Variants in CIMIP4 observed in about 807,000 individuals in gnomAD.
The protein encoded by CIMIP4 is protein EAN57.
the CIMIP4 span, chr22:37,002,178 G>A: frequency 1.3e-6 from 2 of 1,498,552 alleles, no homozygotes; most frequent in Non-Finnish European, 1.8e-6. Context: ...GGCAGGGGCT[G>A]TGGGGATGAC....
the CIMIP4 span, chr22:37,002,233 C>T: frequency 7.5e-5 from 109 of 1,455,958 alleles, no homozygotes; most frequent in African/African-American, 1.6e-4. Flanking sequence ...AACTGTAGGC[C>T]GCTTTCCAGG....
the CIMIP4 span, chr22:37,004,009 C>T: frequency 6.5e-7 from 1 of 1,548,392 alleles, no homozygotes; most frequent in African/African-American, 1.4e-5. Flanking sequence ...GTGGGACAGG[C>T]AATTCCAAGC....
the CIMIP4 span, among the ~76,000 whole-genome samples, chr22:36,999,526 G>GGAGA: frequency 2.4e-5 from 1 of 40,884 alleles, no homozygotes; most frequent in African/African-American, 1.5e-4. Context: ...GGAAGGGGAG[G>GGAGA]GGAGGGGAGG....
chr22:37,003,613 C>G, the CIMIP4 span, among the ~76,000 whole-genome samples: 28 of 152,298 alleles, frequency 1.8e-4, no homozygotes, highest in African/African-American at 6.7e-4. Flanking sequence ...CACGTGTAAC[C>G]CCATATATAC....
the CIMIP4 span, among the ~76,000 whole-genome samples, chr22:37,004,491 G>A: frequency 6.6e-6 from 1 of 152,156 alleles, no homozygotes; most frequent in Admixed American, 6.5e-5. Context: ...AAATAGGATT[G>A]TATCCATTTG....
chr22:37,006,058 C>T, the CIMIP4 span, among the ~76,000 whole-genome samples: 1 of 152,138 alleles, frequency 6.6e-6, no homozygotes, highest in Non-Finnish European at 1.5e-5. Context: ...ATCCTCTTAA[C>T]AGAACCATAG....
the CIMIP4 span, among the ~76,000 whole-genome samples, chr22:37,005,079 G>A: frequency 6.6e-6 from 1 of 152,136 alleles, no homozygotes; most frequent in Admixed American, 6.5e-5. Context: ...GCTGCCCTGT[G>A]GAGCAGCCCA....
the CIMIP4 span, chr22:37,004,043 C>A: frequency 1.3e-6 from 2 of 1,537,874 alleles, no homozygotes; most frequent in East Asian, 4.9e-5. Context: ...CAAAGCACCA[C>A]GTTTCATCGT....
At chr22:37,001,696 A>G in the CIMIP4 span, 3 of 853,556 alleles carry the variant, frequency 3.5e-6, no homozygotes, top group East Asian at 8.3e-5. Flanking sequence ...TAAACAGTGC[A>G]CAGTGTTTGG....
chr22:36,999,444 C>A, the CIMIP4 span, among the ~76,000 whole-genome samples: 3 of 142,578 alleles, frequency 2.1e-5, no homozygotes, highest in Admixed American at 7.1e-5. Flanking sequence ...TTCAGTGAGC[C>A]AAGATTGTGC....
chr22:36,999,101 A>G, the CIMIP4 span, among the ~76,000 whole-genome samples: 1 of 151,878 alleles, frequency 6.6e-6, no homozygotes, highest in Non-Finnish European at 1.5e-5. Flanking sequence ...GGATGGGGCT[A>G]GGGGTGTGGG....
the CIMIP4 span, among the ~76,000 whole-genome samples, chr22:36,998,322 A>G: frequency 6.6e-6 from 1 of 152,154 alleles, no homozygotes; most frequent in Non-Finnish European, 1.5e-5. Context: ...AAGCTCAGAG[A>G]AAACTCCAGA....
the CIMIP4 span, among the ~76,000 whole-genome samples, chr22:36,994,049 C>T: frequency 5.3e-5 from 8 of 152,092 alleles, no homozygotes; most frequent in African/African-American, 9.7e-5. Flanking sequence ...CGATGAAAAA[C>T]AAAAACAATT....
At chr22:37,003,667 G>A in the CIMIP4 span, among the ~76,000 whole-genome samples, 2 of 152,070 alleles carry the variant, frequency 1.3e-5, no homozygotes, top group Non-Finnish European at 2.9e-5. Context: ...TTCCCCCACA[G>A]CCCTGCCCTT....
chr22:36,994,619 C>T, the CIMIP4 span, among the ~76,000 whole-genome samples: 3 of 145,664 alleles, frequency 2.1e-5, no homozygotes, highest in Admixed American at 7.0e-5. Flanking sequence ...TGCCTGGCTC[C>T]GCCTCCTGAG....
chr22:37,005,665 G>A, the CIMIP4 span, among the ~76,000 whole-genome samples: 1 of 151,926 alleles, frequency 6.6e-6, no homozygotes, highest in African/African-American at 2.4e-5. Flanking sequence ...CCCTTGTTAT[G>A]TAGTGGCAGA....
chr22:36,993,337 T>A, the CIMIP4 span, among the ~76,000 whole-genome samples: 2 of 152,116 alleles, frequency 1.3e-5, no homozygotes, highest in Admixed American at 1.3e-4. Context: ...AGGCCCTTAG[T>A]GTTCAGGAAA....
chr22:37,004,977 C>T, the CIMIP4 span, among the ~76,000 whole-genome samples: 1 of 152,258 alleles, frequency 6.6e-6, no homozygotes, highest in African/African-American at 2.4e-5. Context: ...TGTGAGCCAC[C>T]GTGCCCGGCC....
the CIMIP4 span, among the ~76,000 whole-genome samples, chr22:37,001,063 T>C: frequency 4.6e-5 from 7 of 152,122 alleles, no homozygotes; most frequent in South Asian, 2.1e-4. Flanking sequence ...AGGGTTGAGA[T>C]GGTGGCTTTA....
Sources: gnomAD v4.1 joint callset for allele counts (sites outside exome capture counted in the v4.1 genomes callset) on GRCh38, gnomAD v4.1.1 for gene constraint, MANE v1.5 for transcripts, NCBI Gene and HGNC (gene_info 2026-07-23, HGNC 2026-07-21) for gene names.